Variants in RARB observed in about 807,000 individuals in gnomAD.
The protein encoded by RARB is retinoic acid receptor beta, also known as HBV-activated protein.
A neutral mutation model predicts 51.9 loss-of-function variants in RARB; 17 were observed. The ratio of observed to expected loss-of-function variants is 0.33; its 90% CI spans 0.22 to 0.49. The LOEUF is 0.49. RARB is among the 20% of genes least tolerant of loss of function. The pLI is 0.99. For synonymous variants in RARB, 215 were observed against 195.4 expected (o/e 1.10, Z -0.84); for missense variants, 369 against 550.8 (o/e 0.67, Z 3.30).
intron 5 of RARB, among the ~76,000 whole-genome samples, chr3:25,380,750 A>G (rs991959024): frequency 6.6e-6 from 1 of 152,172 alleles, no homozygotes; most frequent in Non-Finnish European, 1.5e-5. Flanking sequence ...TTCAAAACCC[A>G]ATTAGTAGCA....
intron 4 of RARB, among the ~76,000 whole-genome samples, chr3:25,149,231 T>G (rs1700244152): frequency 6.6e-6 from 1 of 152,190 alleles, no homozygotes; most frequent in Non-Finnish European, 1.5e-5. Context: ...TAATCTTCCA[T>G]AGGAATGGTT....
intron 4 of RARB, among the ~76,000 whole-genome samples, chr3:25,160,769 T>G (rs1055027060): frequency 3.9e-5 from 6 of 152,202 alleles, no homozygotes; most frequent in Non-Finnish European, 8.8e-5. Context: ...CCGCCATGGT[T>G]CGTTCTTTCA....
Position 25,462,842 on chromosome 3 carries a change from C to T in RARB, c.306+1501C>T, listed in dbSNP as rs571898847. ...CCCATCAGGCTGGCCCTGGCTTGTT[C>T]GCAGAGGCAGGGTTCCAGAAGACAG... On this transcript the variant is annotated intron_variant, in intron 2 of 7. Transcript: ENST00000330688. Among the ~76,000 whole-genome samples, 10 of 152,242 alleles carry T rather than the reference C, an allele frequency of 6.6e-5. 1 individual carries two copies. The highest frequency in any genetic ancestry group is 4.1e-4 in the South Asian group (2 of 4,820).
At chr3:24,949,438 A>G (rs1695842824) in intron 2 of RARB, among the ~76,000 whole-genome samples, 1 of 152,194 alleles carries the variant, frequency 6.6e-6, no homozygotes, top group Non-Finnish European at 1.5e-5. Flanking sequence ...AAGATCAAAT[A>G]GGAGGAAAGG....
chr3:24,948,240 C>T (rs1695815857), intron 2 of RARB, among the ~76,000 whole-genome samples: 1 of 152,158 alleles, frequency 6.6e-6, no homozygotes, highest in Admixed American at 6.5e-5. Context: ...AGCACATCCC[C>T]CCTGCCCATG....
intron 2 of RARB, among the ~76,000 whole-genome samples, chr3:24,922,871 TC>T (rs1695247787): frequency 3.3e-5 from 5 of 151,954 alleles, no homozygotes. Context: ...ACCCTTAGAG[TC>T]TTCATGGTCA....
At chr3:24,870,689 T>TTGGTGGAGGTG (rs1702929393) in intron 2 of RARB, among the ~76,000 whole-genome samples, 2 of 152,092 alleles carry the variant, frequency 1.3e-5, no homozygotes, top group Admixed American at 1.3e-4. Context: ...ATGTATGTGT[T>TTGGTGGAGGTG]TGGTGGAGGT....
chr3:25,396,079 C>T (rs948788946), intron 5 of RARB, among the ~76,000 whole-genome samples: 1 of 152,178 alleles, frequency 6.6e-6, no homozygotes, highest in Admixed American at 6.5e-5. Flanking sequence ...CTCCCCCTTC[C>T]CCTAGGGATG....
intron 5 of RARB, among the ~76,000 whole-genome samples, chr3:25,206,764 C>G (rs893661963): frequency 6.6e-6 from 1 of 152,170 alleles, no homozygotes; most frequent in Non-Finnish European, 1.5e-5. Flanking sequence ...ACTATGGATG[C>G]TTATTCATGC....
At chr3:25,055,146 T>C (rs1319393258) in intron 2 of RARB, among the ~76,000 whole-genome samples, 1 of 152,160 alleles carries the variant, frequency 6.6e-6, no homozygotes, top group Non-Finnish European at 1.5e-5. Flanking sequence ...AAAGCCAAAG[T>C]TTCAGAAATA....
Position 24,932,003 on chromosome 3 carries a change from G to C in RARB, c.-380+73251G>C, listed in dbSNP as rs879382047. On this transcript the variant is annotated intron_variant, in intron 2 of 11. Coordinates refer to the RARB transcript ENST00000383772. ...AACTTGATTTGATAGAAAAATAGAG[G>C]TGATTCCAACTGAATGCCAAGTTCC... Among the ~76,000 whole-genome samples the C allele has an allele frequency of 2.0e-5, 3 of 152,124 alleles. No individual in the cohort carries two copies. The East Asian group carries it at 5.8e-4, about 30-fold the overall frequency.
chr3:24,882,238 A>T (rs921885005), intron 2 of RARB, among the ~76,000 whole-genome samples: 2 of 152,138 alleles, frequency 1.3e-5, no homozygotes, highest in Non-Finnish European at 2.9e-5. Context: ...CATTAAACAT[A>T]ACTGATTACA....
chr3:24,873,339 T>C (rs1702981577), intron 2 of RARB, among the ~76,000 whole-genome samples: 3 of 152,208 alleles, frequency 2.0e-5, no homozygotes, highest in Admixed American at 1.3e-4. Flanking sequence ...TTAATGGTTA[T>C]AGGCCCATTT....
intron 3 of RARB, among the ~76,000 whole-genome samples, chr3:25,106,653 A>T (rs1559468667): frequency 6.8e-6 from 1 of 147,448 alleles, no homozygotes; most frequent in Non-Finnish European, 1.5e-5. Context: ...AGGCTGCAGT[A>T]TTTTTTTTTT....
chr3:25,510,133 A>T (rs1697815248), intron 3 of RARB, among the ~76,000 whole-genome samples: 1 of 152,172 alleles, frequency 6.6e-6, no homozygotes, highest in Non-Finnish European at 1.5e-5. Flanking sequence ...TCATATTCTG[A>T]TTCAGTTTCC....
chr3:25,111,813 G>C (rs1699607493), intron 3 of RARB, among the ~76,000 whole-genome samples: 1 of 151,948 alleles, frequency 6.6e-6, no homozygotes, highest in Admixed American at 6.6e-5. Context: ...TCCTGACCTT[G>C]TGATCCGCCT....
intron 1 of RARB, among the ~76,000 whole-genome samples, chr3:25,438,634 A>AGT (rs1708533879): frequency 6.6e-6 from 1 of 152,050 alleles, no homozygotes. Flanking sequence ...TAAGGGGCAG[A>AGT]GTGTGGTTTC....
rs755442951 is a variant in RARB at position 25,428,897 on chromosome 3, AT to A, written c.157+16del. On this transcript the variant is annotated intron_variant, in intron 1 of 7. Transcript: ENST00000330688. Reference sequence around the variant, plus strand: ...TCGGCACACTGCTCAATGTAGGTTTATTTTTTTCCCTTCTTCTACCAAGAAA... The same window carrying A: ...TCGGCACACTGCTCAATGTAGGTTTATTTTTTCCCTTCTTCTACCAAGAAA... The A allele has an allele frequency of 1.6e-5, 25 of 1,582,992 alleles. No homozygotes were observed. Among genetic ancestry groups the A allele is most frequent in the East Asian group, 4.5e-5 (2 of 44,236 alleles).
chr3:25,433,476 G>C (rs1315432329), intron 1 of RARB, among the ~76,000 whole-genome samples: 5 of 152,188 alleles, frequency 3.3e-5, no homozygotes, highest in African/African-American at 1.2e-4. Context: ...AAATGGACTG[G>C]GCTGTGATTC....
Sources: allele counts gnomAD v4.1 joint callset (sites outside exome capture counted in the v4.1 genomes callset), GRCh38; gene constraint gnomAD v4.1.1; transcripts MANE v1.5; gene names NCBI Gene and HGNC (gene_info 2026-07-23, HGNC 2026-07-21).